EXOC1: variants seen among roughly 807,000 people sequenced by gnomAD.
EXOC1 encodes exocyst complex component 1, also known as SEC3-like 1.
Under a neutral mutation model 107.7 loss-of-function variants are expected in EXOC1, and 67 were observed. That is an observed-to-expected ratio of 0.62 (90% confidence interval 0.51 to 0.76). The LOEUF is 0.76. EXOC1 is among the 30% of genes least tolerant of loss of function. The pLI is 0.00. For missense variants in EXOC1, 833 were observed against 1,055.7 expected, an observed-to-expected ratio of 0.79 and a Z score of 2.92; for synonymous variants, 348 against 353.5, an observed-to-expected ratio of 0.98 and a Z score of 0.17.
At chr4:55,886,341 C>T (rs959337159) in intron 10 of EXOC1, among the ~76,000 whole-genome samples, 15 of 151,744 alleles carry the variant, frequency 9.9e-5, no homozygotes, top group African/African-American at 3.4e-4. Flanking sequence ...TGACTTGAGC[C>T]CTGGAGGTCG....
At chr4:55,895,382 A>G (rs1447045) in intron 15 of EXOC1, among the ~76,000 whole-genome samples, 33,980 of 152,038 alleles carry the variant, frequency 0.22, 4,031 homozygotes, top group Non-Finnish European at 0.25. Context: ...TCAAACCCAG[A>G]AAGTCTGGTT....
chr4:55,893,595 A>C lies in EXOC1; in HGVS notation c.1768A>C (p.Ile590Leu). ...AATGATGATTAAAATATTTCGCTGCATTGAGCCAGAGCTGAACAACCTAAT... is the reference window on the plus strand; with the variant it reads ...AATGATGATTAAAATATTTCGCTGCCTTGAGCCAGAGCTGAACAACCTAAT... The part of the protein sequence containing the change: ...RQMMIKIFRC[I>L]EPELNNLIAL... The change falls in exon 15 of 19, where the codon ATT (isoleucine) becomes CTT (leucine). Residue 590 changes from isoleucine to leucine, a missense_variant. Physicochemically the swap from Ile to Leu is conservative, Grantham distance 5. This residue lies in a region of EXOC1 where 617 missense variants were observed against 701.3 expected (regional missense o/e 0.88). Transcript: ENST00000381295. 1 of 1,614,008 alleles carries C rather than the reference A, an allele frequency of 6.2e-7. No homozygotes were observed. Among genetic ancestry groups the C allele is most frequent in the Non-Finnish European group, 8.5e-7 (1 of 1,180,010 alleles).
rs373536097 is a variant in EXOC1 at position 55,870,674 on chromosome 4, G to T, written c.604-4G>T. On this transcript the variant is annotated splice_region_variant and splice_polypyrimidine_tract_variant and intron_variant, in intron 5 of 18. Coordinates refer to ENST00000381295, the MANE Select transcript of EXOC1 (RefSeq NM_001024924.2). ...TTTGTTTGTTTTGGTCTTTAACTTT[G>T]TAGGCTAACATCCAGTCAATCATGG... 2.5e-6 allele frequency: 4 copies of T among 1,608,948 alleles called. No individual in the cohort carries two copies. The Admixed American group carries it at 5.0e-5, about 20-fold the overall frequency.
intron 18 of EXOC1, among the ~76,000 whole-genome samples, chr4:55,903,083 C>G (rs1726157319): frequency 6.7e-6 from 1 of 149,220 alleles, no homozygotes. Flanking sequence ...GATTGAGGCT[C>G]CAGTGAACTA....
In EXOC1 at chr4:55,903,007, G is replaced by C. The variant is rs113782161; in HGVS notation, c.2532+469G>C. 3.7e-3 allele frequency among the ~76,000 whole-genome samples: 563 copies of C among 152,018 alleles called. 2 individuals are homozygous for C. Among genetic ancestry groups the C allele is most frequent in the Middle Eastern group, 0.014 (4 of 294 alleles). On this transcript the variant is annotated intron_variant, in intron 18 of 18. Transcript: ENST00000381295. The stretch of plus-strand genomic sequence containing the variant: ...AAAATTAAAAAAATTAGCTGGGCAT[G>C]GTGGCACGTGCCTGTAGTCCCAGCT...
In EXOC1 at chr4:55,899,833, C is replaced by T. The variant is rs758828482; in HGVS notation, c.2286C>T (p.His762=). 2.1e-5 allele frequency: 34 copies of T among 1,612,884 alleles called. No individual in the cohort carries two copies. In the South Asian group the frequency reaches 3.5e-4, roughly 17 times the overall value. ...KKEAKQKYTD[H]LQSYVIYSLG... is the part of the protein sequence containing the mutation. ...AAGCCAAACAAAAATACACAGATCA[C>T]CTTCAGTCTTATGTCATTTACTCTT... Residue 762 remains histidine (H), a synonymous_variant, in exon 17 of 19, where the codon CAC becomes CAT. Transcript: ENST00000381295.
At chr4:55,878,165 CATTCT>C in intron 9 of EXOC1, 99 bp downstream of exon 9, 1 of 1,323,364 alleles carries the variant, frequency 7.6e-7, no homozygotes, top group Non-Finnish European at 1.0e-6. Context: ...TACTGTAGTA[CATTCT>C]TAGCAAAGCA....
At chr4:55,857,166 T>TTC (rs1721055444) in intron 1 of EXOC1, among the ~76,000 whole-genome samples, 1 of 140,636 alleles carries the variant, frequency 7.1e-6, no homozygotes, top group African/African-American at 2.7e-5. Context: ...TTTCCTTTTT[T>TTC]TCTTTTTTTT....
intron 17 of EXOC1, among the ~76,000 whole-genome samples, chr4:55,901,687 C>G (rs1019135836): frequency 2.0e-5 from 3 of 152,026 alleles, no homozygotes; most frequent in Non-Finnish European, 2.9e-5. Context: ...TTTTTTTACT[C>G]TGGCAACTAT....
Position 55,888,919 on chromosome 4 carries a change from A to G in EXOC1, c.1362A>G (p.Lys454=), listed in dbSNP as rs1354515000. The G allele has an allele frequency of 1.9e-6, 3 of 1,613,618 alleles. No homozygotes were observed. The African/African-American group carries it at 4.0e-5, about 22-fold the overall frequency. ...ATLPRKESAV[K]QETESLHGSS... is the part of the protein sequence containing the mutation. ...TGCCTCGAAAAGAAAGTGCTGTCAAACAGGAAACAGAGAGTGAGTATGCTT... is the reference window on the plus strand; with the variant it reads ...TGCCTCGAAAAGAAAGTGCTGTCAAGCAGGAAACAGAGAGTGAGTATGCTT... Residue 454 remains lysine (K), a synonymous_variant, in exon 11 of 19, where the codon AAA becomes AAG. Coordinates refer to ENST00000381295, the MANE Select transcript of EXOC1 (RefSeq NM_001024924.2).
chr4:55,853,733 G>T lies in EXOC1; in HGVS notation c.-231G>T, dbSNP rs567856315. 6.6e-6 allele frequency: 1 copy of T among 152,384 alleles called. No individual in the cohort carries two copies. Among genetic ancestry groups the T allele is most frequent in the African/African-American group, 2.4e-5 (1 of 41,582 alleles). The allele number at this position is 152,384 out of a possible 1,614,324, so 9.4% of individuals were successfully genotyped here. ...CTTTATTGAGGGGCGTATCCTAGTG[G>T]CCCCCATCCGGTCTCCGTTTTGGAA... On this transcript the variant is annotated 5_prime_UTR_variant, in exon 1 of 19. Coordinates refer to ENST00000381295, the MANE Select transcript of EXOC1 (RefSeq NM_001024924.2).
At chr4:55,895,205 A>G (rs1350600770) in intron 15 of EXOC1, among the ~76,000 whole-genome samples, 1 of 152,216 alleles carries the variant, frequency 6.6e-6, no homozygotes, top group Non-Finnish European at 1.5e-5. Context: ...AATAAGATCA[A>G]TAGACAGCAT....
At chr4:55,864,785 G>A (rs1462976394) in intron 4 of EXOC1, among the ~76,000 whole-genome samples, 3 of 151,992 alleles carry the variant, frequency 2.0e-5, no homozygotes, top group Admixed American at 1.3e-4. Flanking sequence ...TCCATTATAT[G>A]GATATACCAT....
intron 11 of EXOC1, 67 bp downstream of exon 11, chr4:55,888,999 G>T (rs1724207350): frequency 2.6e-6 from 4 of 1,562,824 alleles, no homozygotes; most frequent in Non-Finnish European, 3.5e-6. Context: ...GAAATTAGTT[G>T]TCTTGAAAAA....
chr4:55,876,188 AG>A, intron 8 of EXOC1: 1 of 985,400 alleles, frequency 1.0e-6, no homozygotes, highest in Non-Finnish European at 1.2e-6. Flanking sequence ...ATGGTAGCCC[AG>A]GCATTCTAAA....
At chr4:55,877,160 T>C in intron 8 of EXOC1, 1 of 982,818 alleles carries the variant, frequency 1.0e-6, no homozygotes, top group Non-Finnish European at 1.2e-6. Context: ...AGCTAATGTG[T>C]ACCAACTAGT....
At chr4:55,892,919 C>A (rs925085466) in intron 14 of EXOC1, among the ~76,000 whole-genome samples, 1 of 152,098 alleles carries the variant, frequency 6.6e-6, no homozygotes, top group East Asian at 1.9e-4. Flanking sequence ...CCAGGACTTA[C>A]AGAAGATGAA....
At chr4:55,894,912 G>A (rs985866310) in intron 15 of EXOC1, among the ~76,000 whole-genome samples, 7 of 152,024 alleles carry the variant, frequency 4.6e-5, no homozygotes, top group South Asian at 2.1e-4. Flanking sequence ...AAGAGACACC[G>A]GCCATCTATC....
Position 55,890,247 on chromosome 4 carries a change from T to G in EXOC1, c.1400T>G (p.Leu467Ter), listed in dbSNP as rs769910896. 1.2e-6 allele frequency: 2 copies of G among 1,613,986 alleles called. No individual in the cohort carries two copies. Among genetic ancestry groups the G allele is most frequent in the Non-Finnish European group, 1.7e-6 (2 of 1,179,910 alleles). The change falls in exon 12 of 19, where the codon TTA (leucine) becomes TGA (stop). Residue 467 changes from leucine to a stop codon, truncating the protein, a stop_gained. Transcript: ENST00000381295. LOFTEE classifies it high-confidence loss of function. ...GGTCTTCATGGAAGTTCGGGGAAAT[T>G]AACTGGATCTACTTCTAGTCTAAAT... Reference protein sequence around the residue: ...TESLHGSSGKLTGSTSSLNKL... With the variant: ...TESLHGSSGK
Sources: gnomAD v4.1 joint callset for allele counts (sites outside exome capture counted in the v4.1 genomes callset) on GRCh38, gnomAD v4.1.1 for gene constraint, gnomAD v4.1.1 regional missense constraint, MANE v1.5 for transcripts, NCBI Gene and HGNC (gene_info 2026-07-23, HGNC 2026-07-21) for gene names.